Variants in IQCH observed in about 807,000 individuals in gnomAD.
IQCH encodes IQ domain-containing protein H.
IQCH carries 98 observed loss-of-function variants against 117.0 expected under a neutral mutation model. The ratio of observed to expected loss-of-function variants is 0.84; its 90% CI spans 0.71 to 0.99. IQCH has a LOEUF of 0.99. Ranked by LOEUF, IQCH falls within the 50% of genes least tolerant of loss-of-function variation. The pLI, the probability that IQCH is intolerant of heterozygous loss-of-function variation, is 0.00. For missense variants in IQCH, 1,102 were observed against 1,243.8 expected (o/e 0.89, Z 1.72); for synonymous variants, 412 against 448.2 (o/e 0.92, Z 1.02).
At chr15:67,439,643 T>C (rs1474030079) in intron 16 of IQCH, among the ~76,000 whole-genome samples, 2 of 152,054 alleles carry the variant, frequency 1.3e-5, no homozygotes, top group African/African-American at 4.8e-5. Flanking sequence ...CCCAGCACTT[T>C]GGAAGGCCGA....
In IQCH at chr15:67,292,138, A is replaced by G. The variant is rs549305283; in HGVS notation, c.387+12626A>G. Among the ~76,000 whole-genome samples the G allele has an allele frequency of 3.9e-5, 6 of 152,262 alleles. No homozygotes were observed. The South Asian group carries it at 1.2e-3, about 32-fold the overall frequency. On this transcript the variant is annotated intron_variant, in intron 4 of 20. Coordinates refer to ENST00000335894, the MANE Select transcript of IQCH (RefSeq NM_001031715.3). ...GTGCAGACACAGTGAAAAGATGGCC[A>G]TCTATGAACTGGGAAGCAGGCCCTC...
intron 4 of IQCH, among the ~76,000 whole-genome samples, chr15:67,304,974 T>G (rs774624752): frequency 5.9e-5 from 9 of 151,552 alleles, no homozygotes; most frequent in Non-Finnish European, 1.2e-4. Context: ...GTAAGAGATC[T>G]CAGAGTCAAT....
chr15:67,454,438 T>G lies in IQCH; in HGVS notation c.2506-10689T>G, dbSNP rs2082611908. ...TCCCAAAGTATTCAAAATTCACACT[T>G]TTAAAATATACATTACAATGGTTTT... is the stretch of plus-strand genomic sequence containing the variant. On this transcript the variant is annotated intron_variant, in intron 16 of 20. Coordinates refer to ENST00000335894, the MANE Select transcript of IQCH (RefSeq NM_001031715.3). This position sits in a 1 kb window ranked among gnomAD's most constrained non-coding sequence, Gnocchi z 5.2. Among the ~76,000 whole-genome samples the G allele has an allele frequency of 6.6e-6, 1 of 152,210 alleles. No homozygotes were observed. Among genetic ancestry groups the G allele is most frequent in the Admixed American group, 6.5e-5 (1 of 15,284 alleles).
rs1433836620 is a variant in IQCH at position 67,430,749 on chromosome 15, T to C, written c.2505+9172T>C. Reference sequence around the variant, plus strand: ...AAAACAAGTGTTTATTGAGCATCTATTATGTATAAGCCATAATGCTAGGTG... The same window carrying C: ...AAAACAAGTGTTTATTGAGCATCTACTATGTATAAGCCATAATGCTAGGTG... On this transcript the variant is annotated intron_variant, in intron 16 of 20. Coordinates refer to ENST00000335894, the MANE Select transcript of IQCH (RefSeq NM_001031715.3). The surrounding 1 kb of genome is among the most constrained non-coding windows in gnomAD (Gnocchi z 5.1). Among the ~76,000 whole-genome samples the C allele has an allele frequency of 6.6e-6, 1 of 152,208 alleles. No homozygotes were observed. Among genetic ancestry groups the C allele is most frequent in the Non-Finnish European group, 1.5e-5 (1 of 68,026 alleles).
chr15:67,277,530 C>A (rs1236384193), intron 3 of IQCH, among the ~76,000 whole-genome samples: 1 of 128,858 alleles, frequency 7.8e-6, no homozygotes, highest in Non-Finnish European at 1.6e-5. Context: ...CCTCCAGTAT[C>A]TTTTTTTTTT....
chr15:67,439,346 T>G (rs2082208994), intron 16 of IQCH, among the ~76,000 whole-genome samples: 2 of 152,080 alleles, frequency 1.3e-5, no homozygotes, highest in Non-Finnish European at 2.9e-5. Context: ...ATCAAACAAT[T>G]ATTTGAACTG....
chr15:67,332,895 G>A (rs1048717083), intron 4 of IQCH, among the ~76,000 whole-genome samples: 2 of 152,058 alleles, frequency 1.3e-5, no homozygotes, highest in Admixed American at 6.6e-5. Flanking sequence ...TGTCCATTTG[G>A]GCTGCTATAA....
At chr15:67,441,831 G>A (rs957237634) in intron 16 of IQCH, among the ~76,000 whole-genome samples, 4 of 152,100 alleles carry the variant, frequency 2.6e-5, no homozygotes, top group Non-Finnish European at 5.9e-5. Context: ...GCTTAGGCAA[G>A]GAGTTCATGA....
At chr15:67,414,867 A>G (rs2081538594) in intron 14 of IQCH, among the ~76,000 whole-genome samples, 1 of 152,044 alleles carries the variant, frequency 6.6e-6, no homozygotes, top group Non-Finnish European at 1.5e-5. Flanking sequence ...GGGGCAGAAA[A>G]GGCCATTTAA....
chr15:67,319,797 T>C (rs1968026828), intron 4 of IQCH, among the ~76,000 whole-genome samples: 1 of 152,238 alleles, frequency 6.6e-6, no homozygotes, highest in South Asian at 2.1e-4. Flanking sequence ...TTTGAAGATA[T>C]ATTTTATTTT....
chr15:67,295,097 T>G (rs1966844155), intron 4 of IQCH, among the ~76,000 whole-genome samples: 1 of 152,182 alleles, frequency 6.6e-6, no homozygotes, highest in Non-Finnish European at 1.5e-5. Context: ...ATTTTAAACT[T>G]TCTCCTCTTT....
intron 6 of IQCH, among the ~76,000 whole-genome samples, chr15:67,353,951 C>T (rs1456399777): frequency 6.6e-6 from 1 of 152,112 alleles, no homozygotes; most frequent in East Asian, 1.9e-4. Flanking sequence ...AAATATCTCT[C>T]TGTCTTTTAA....
Position 67,467,803 on chromosome 15 carries a change from A to T in IQCH, c.2676+2506A>T, listed in dbSNP as rs1484185061. Among the ~76,000 whole-genome samples the T allele has an allele frequency of 6.6e-6, 1 of 152,268 alleles. No homozygotes were observed. The highest frequency in any genetic ancestry group is 2.4e-5 in the African/African-American group (1 of 41,474). ...TGAAGACTGAAGGAGAAGAAAATGCACAGATGAAACCACAATGATAATGAG... is the reference window on the plus strand; with the variant it reads ...TGAAGACTGAAGGAGAAGAAAATGCTCAGATGAAACCACAATGATAATGAG... On this transcript the variant is annotated intron_variant, in intron 17 of 20. Coordinates refer to ENST00000335894, the MANE Select transcript of IQCH (RefSeq NM_001031715.3). The surrounding 1 kb of genome is among the most constrained non-coding windows in gnomAD (Gnocchi z 5.7).
intron 6 of IQCH, among the ~76,000 whole-genome samples, chr15:67,347,751 A>C (rs1035254373): frequency 2.7e-5 from 4 of 149,870 alleles, no homozygotes; most frequent in Admixed American, 1.3e-4. Flanking sequence ...ATGAAAATAG[A>C]TACAAAAGTC....
At chr15:67,374,977 T>C (rs1322789516) in intron 10 of IQCH, among the ~76,000 whole-genome samples, 1 of 152,222 alleles carries the variant, frequency 6.6e-6, no homozygotes, top group Non-Finnish European at 1.5e-5. Context: ...AAAGGTGTGA[T>C]AGACACAAAC....
intron 8 of IQCH, among the ~76,000 whole-genome samples, chr15:67,362,340 T>C (rs1440086246): frequency 6.6e-6 from 1 of 152,162 alleles, no homozygotes; most frequent in East Asian, 1.9e-4. Flanking sequence ...GAAAATCCTG[T>C]TTCCTAAGCC....
rs772654289 is a variant in IQCH, at chr15:67,371,465, T to C, written c.754-646T>C. ...AATCCACCTGGGACAGCCCCAGATA[T>C]GTTCCTAAGAAGAAACCAGACTTAA... On this transcript the variant is annotated intron_variant, in intron 8 of 20. Transcript: ENST00000335894. 3.0e-4 allele frequency: 465 copies of C among 1,563,538 alleles called. 1 individual carries two copies. The highest frequency in any genetic ancestry group is 3.6e-4 in the Non-Finnish European group (415 of 1,160,046).
Position 67,430,676 on chromosome 15 carries a change from G to T in IQCH, c.2505+9099G>T, listed in dbSNP as rs1258077830. Among the ~76,000 whole-genome samples the T allele has an allele frequency of 6.6e-6, 1 of 152,032 alleles. No homozygotes were observed. The highest frequency in any genetic ancestry group is 1.5e-5 in the Non-Finnish European group (1 of 68,008). On this transcript the variant is annotated intron_variant, in intron 16 of 20. Transcript: ENST00000335894. The surrounding 1 kb of genome is among the most constrained non-coding windows in gnomAD (Gnocchi z 5.1). ...TTATGGACTTTTGGAACTTCTAGATGATCCAGATCTTTTGTAGTTAATTAC... is the reference window on the plus strand; with the variant it reads ...TTATGGACTTTTGGAACTTCTAGATTATCCAGATCTTTTGTAGTTAATTAC...
At chr15:67,355,791 A>G (rs756707546) in intron 6 of IQCH, among the ~76,000 whole-genome samples, 14 of 152,336 alleles carry the variant, frequency 9.2e-5, no homozygotes, top group Non-Finnish European at 1.3e-4. Context: ...CATGTGTCTC[A>G]TAAAATCCAA....
Sources: gnomAD v4.1 joint callset for allele counts (sites outside exome capture counted in the v4.1 genomes callset) on GRCh38, gnomAD v4.1.1 for gene constraint, Gnocchi (gnomAD v3.1) non-coding constraint, MANE v1.5 for transcripts, NCBI Gene and HGNC (gene_info 2026-07-23, HGNC 2026-07-21) for gene names.